PRH1: variants seen among roughly 807,000 people sequenced by gnomAD.
PRH1 encodes the protein proline rich protein HaeIII subfamily 1, also known as salivary acidic proline-rich phosphoprotein 1/2.
Under a neutral mutation model 7.9 loss-of-function variants are expected in PRH1, and 7 were observed. The ratio of observed to expected loss-of-function variants is 0.89; its 90% CI spans 0.50 to 1.67. The LOEUF (loss-of-function observed/expected upper bound fraction) is 1.67. PRH1 is among the 40% of genes most tolerant of loss of function. PRH1 has a pLI of 0.00. For missense variants in PRH1, 109 were observed against 223.6 expected (o/e 0.49, Z 3.27); for synonymous variants, 45 against 80.8 (o/e 0.56, Z 2.38).
At chr12:11,120,238 A>G (rs138886666), downstream of PRH1, among the ~76,000 whole-genome samples, 4 of 152,324 alleles carry the variant, frequency 2.6e-5, no homozygotes, top group Admixed American at 6.5e-5. Context: ...ATCTTTGCCT[A>G]AAGTAATGTG....
rs76825976 is a variant in PRH1, at chr12:10,988,671, T to G, written c.-125-14950A>C. On this transcript the variant is annotated intron_variant, in intron 1 of 3. Coordinates refer to the PRH1 transcript ENST00000539853. Reference sequence around the variant, plus strand: ...CATAGCAATGTGTCATAAACACTCATGCAACCATCAAGCAGGGCAAAACAT... The same window carrying G: ...CATAGCAATGTGTCATAAACACTCAGGCAACCATCAAGCAGGGCAAAACAT... 2.0e-5 allele frequency among the ~76,000 whole-genome samples: 3 copies of G among 152,210 alleles called. No homozygotes were observed. The South Asian group carries it at 6.2e-4, about 32-fold the overall frequency.
At chr12:10,884,442 T>A (rs565000449), upstream of PRH1, among the ~76,000 whole-genome samples, 26 of 152,328 alleles carry the variant, frequency 1.7e-4, no homozygotes, top group African/African-American at 6.0e-4. Context: ...TGTTTGTGTC[T>A]AATTCCTAAA....
At chr12:11,085,386 A>AC (rs1163425128) in intron 1 of PRH1, among the ~76,000 whole-genome samples, 4 of 118,126 alleles carry the variant, frequency 3.4e-5, no homozygotes, top group Non-Finnish European at 8.1e-5. Context: ...GGGAAAATAC[A>AC]AATTCTACCA....
chr12:11,077,307 G>C, intron 1 of PRH1: 1 of 278,276 alleles, frequency 3.6e-6, no homozygotes, highest in Non-Finnish European at 7.3e-6. Flanking sequence ...TGCACCCCTT[G>C]TGAATCTATG....
At chr12:11,112,732 A>T (rs1218188874) in intron 1 of PRH1, among the ~76,000 whole-genome samples, 1 of 152,224 alleles carries the variant, frequency 6.6e-6, no homozygotes. Flanking sequence ...TCCCTTTGAA[A>T]ATCGGCACAA....
intron 1 of PRH1, among the ~76,000 whole-genome samples, chr12:11,151,978 T>C (rs1436912897): frequency 6.6e-6 from 1 of 152,030 alleles, no homozygotes; most frequent in African/African-American, 2.4e-5. Flanking sequence ...TAAAATTTTA[T>C]AATATAGCAA....
At chr12:11,009,559 C>T (rs2136038505) in intron 1 of PRH1, among the ~76,000 whole-genome samples, 1 of 152,052 alleles carries the variant, frequency 6.6e-6, no homozygotes, top group South Asian at 2.1e-4. Flanking sequence ...TACCCTCCAG[C>T]CTTGTATTTT....
intron 1 of PRH1, chr12:11,022,571 T>C (rs2136076355): frequency 6.3e-7 from 1 of 1,593,416 alleles, no homozygotes; most frequent in African/African-American, 1.3e-5. Context: ...AAACACATCA[T>C]GTTTGAACAG....
chr12:10,996,890 C>T (rs1940272384), intron 1 of PRH1: 1 of 1,485,432 alleles, frequency 6.7e-7, no homozygotes, highest in African/African-American at 1.4e-5. Flanking sequence ...ATAAAATGTT[C>T]CAGACACCAT....
At chr12:11,001,007 G>GTT (rs34230211) in intron 1 of PRH1, among the ~76,000 whole-genome samples, 49 of 151,646 alleles carry the variant, frequency 3.2e-4, no homozygotes, top group Admixed American at 3.1e-3. Flanking sequence ...GGTTGGCTTT[G>GTT]TTTTTTTGTT....
chr12:11,095,826 A>T (rs1281640511), intron 1 of PRH1, among the ~76,000 whole-genome samples: 2 of 115,796 alleles, frequency 1.7e-5, no homozygotes, highest in Admixed American at 1.7e-4. Context: ...AATAATAATA[A>T]TAATTTTTCT....
chr12:11,109,332 G>A (rs1242414244), intron 1 of PRH1, among the ~76,000 whole-genome samples: 1 of 152,208 alleles, frequency 6.6e-6, no homozygotes, highest in Non-Finnish European at 1.5e-5. Context: ...AGGACAGAGT[G>A]CCTCCTTAAG....
chr12:10,993,228 A>G (rs10772406), intron 1 of PRH1, among the ~76,000 whole-genome samples: 46,282 of 152,004 alleles, frequency 0.3, 8,893 homozygotes, highest in East Asian at 0.74. Context: ...ATCTACATCG[A>G]TTGGGAGAGA....
rs1175920775 is a variant in PRH1 at position 10,982,911 on chromosome 12, G to A, written c.-125-9190C>T. On this transcript the variant is annotated intron_variant, in intron 1 of 3. Transcript: ENST00000539853. ...ACTAAAAGGGAAATACAGTTTTATG[G>A]GGGCTTATTGGGGTTTTGAATTCAA... is the stretch of plus-strand genomic sequence containing the variant. Among the ~76,000 whole-genome samples the A allele has an allele frequency of 2.0e-5, 3 of 151,236 alleles. No homozygotes were observed. The East Asian group carries it at 5.8e-4, about 29-fold the overall frequency.
intron 1 of PRH1, among the ~76,000 whole-genome samples, chr12:10,983,667 T>G (rs1334530454): frequency 6.6e-6 from 1 of 152,222 alleles, no homozygotes; most frequent in African/African-American, 2.4e-5. Flanking sequence ...CTTCTCTTTC[T>G]CTTCCGTGGA....
intron 1 of PRH1, among the ~76,000 whole-genome samples, chr12:11,162,046 A>G (rs972749574): frequency 6.6e-6 from 1 of 152,204 alleles, no homozygotes. Context: ...TGGCTTCCAA[A>G]CTTGCATTAT....
At chr12:11,148,371 T>C (rs1291579248) in intron 1 of PRH1, among the ~76,000 whole-genome samples, 9 of 145,474 alleles carry the variant, frequency 6.2e-5, no homozygotes, top group East Asian at 2.0e-4. Flanking sequence ...GTGCCAGTTT[T>C]CAAAGGGAAT....
chr12:11,103,430 A>G (rs1945315300), intron 1 of PRH1, among the ~76,000 whole-genome samples: 1 of 152,040 alleles, frequency 6.6e-6, no homozygotes, highest in African/African-American at 2.4e-5. Context: ...TGAGCAAACT[A>G]TCGCAAGGAC....
At position 11,069,426 on chromosome 12, in the gene PRH1, G is replaced by C. The variant is rs1943964797; in HGVS notation, n.124-22238C>G. On this transcript the variant is annotated intron_variant and non_coding_transcript_variant, in intron 1 of 4. Transcript: ENST00000541977. ...ATCATTGCAGAGATTGTAGAATTGA[G>C]ATCTTGGGCAATCTCATGTTTTCAG... Among the ~76,000 whole-genome samples, 3 of 54,012 alleles carry C rather than the reference G, an allele frequency of 5.6e-5. No homozygotes were observed. The South Asian group carries it at 1.6e-3, about 29-fold the overall frequency. The allele number at this position is 54,012 out of a possible 152,430, so 35.4% of individuals were successfully genotyped here. A position where few individuals can be genotyped will look rare whatever the true frequency, so the allele number is the denominator to read the frequency against.
Sources: allele counts gnomAD v4.1 joint callset (sites outside exome capture counted in the v4.1 genomes callset), GRCh38; gene constraint gnomAD v4.1.1; transcripts MANE v1.5; gene names NCBI Gene and HGNC (gene_info 2026-07-23, HGNC 2026-07-21).